AFF2: variants seen among roughly 807,000 people sequenced by gnomAD.
AFF2 encodes ALF transcription elongation factor 2.
A neutral mutation model predicts 76.9 loss-of-function variants in AFF2; 14 were observed. The observed-to-expected ratio is 0.18, with a 90% CI of 0.12 to 0.28. The LOEUF (loss-of-function observed/expected upper bound fraction) is 0.28. Among genes scored for constraint, AFF2 ranks in the 10% least tolerant of loss-of-function variants. The probability of loss-of-function intolerance (pLI) is 1.00; values close to 1 mark genes in which losing one functional copy is unlikely to be tolerated. For missense variants in AFF2, 868 were observed against 1,001.1 expected, an observed-to-expected ratio of 0.87 and a Z score of 1.79; for synonymous variants, 398 against 366.7, an observed-to-expected ratio of 1.09 and a Z score of -0.98.
intron 1 of AFF2, among the ~76,000 whole-genome samples, chrX:148,634,332 G>A (rs781967529): frequency 9.0e-6 from 1 of 111,677 alleles, no homozygotes; most frequent in Non-Finnish European, 1.9e-5. Context: ...AGTAACCACA[G>A]ATTTCATATG....
chrX:148,725,955 G>T (rs1210070165), intron 3 of AFF2, among the ~76,000 whole-genome samples: 2 of 111,848 alleles, frequency 1.8e-5, no homozygotes, highest in East Asian at 5.6e-4. Flanking sequence ...CTATAGGCCA[G>T]TTTTCCTCAG....
At chrX:148,737,544 T>C (rs1412315145) in intron 3 of AFF2, among the ~76,000 whole-genome samples, 12 of 111,358 alleles carry the variant, frequency 1.1e-4, no homozygotes, top group African/African-American at 3.3e-4. Flanking sequence ...TCAAAGTAAA[T>C]GATCATATCA....
At chrX:148,592,737 G>A (rs1239268673) in intron 1 of AFF2, among the ~76,000 whole-genome samples, 1 of 111,599 alleles carries the variant, frequency 9.0e-6, no homozygotes, top group Non-Finnish European at 1.9e-5. Flanking sequence ...CTACTCCTGT[G>A]AGCTAGCTTG....
chrX:148,773,033 A>G (rs994461307), intron 3 of AFF2, among the ~76,000 whole-genome samples: 7 of 110,736 alleles, frequency 6.3e-5, no homozygotes, highest in Admixed American at 1.9e-4. Context: ...CTGCATATGT[A>G]TCCCATGTTT....
intron 1 of AFF2, among the ~76,000 whole-genome samples, chrX:148,527,428 CCTTTCTTT>C (rs782467595): frequency 9.0e-6 from 1 of 111,314 alleles, no homozygotes; most frequent in Non-Finnish European, 1.9e-5. Flanking sequence ...GATCTTGGAC[CCTTTCTTT>C]CTTTCTTTTT....
intron 3 of AFF2, among the ~76,000 whole-genome samples, chrX:148,668,976 G>A (rs939054098): frequency 8.9e-6 from 1 of 112,022 alleles, no homozygotes; most frequent in Non-Finnish European, 1.9e-5. Flanking sequence ...CTTTTGAAAT[G>A]GAATGCCTTT....
intron 3 of AFF2, among the ~76,000 whole-genome samples, chrX:148,773,685 G>GGAAAGAAAGAAAGAAAGAAA (rs1205912443): frequency 0.012 from 628 of 51,418 alleles, 13 homozygotes; most frequent in East Asian, 0.024. Flanking sequence ...AAGGAAGGAA[G>GGAAAGAAAGAAAGAAAGAAA]GAAAGAAAGA....
intron 1 of AFF2, among the ~76,000 whole-genome samples, chrX:148,622,723 T>C (rs897191500): frequency 9.0e-6 from 1 of 111,228 alleles, no homozygotes; most frequent in Non-Finnish European, 1.9e-5. Context: ...AACCCTACAA[T>C]GTAGTAGGGA....
chrX:148,661,375 G>C (rs1464369038), intron 2 of AFF2, among the ~76,000 whole-genome samples: 1 of 112,317 alleles, frequency 8.9e-6, no homozygotes, highest in Non-Finnish European at 1.9e-5. Flanking sequence ...ATTAGATGCT[G>C]TTTAATTCCA....
At chrX:148,722,691 C>A in intron 3 of AFF2, among the ~76,000 whole-genome samples, 1 of 111,707 alleles carries the variant, frequency 9.0e-6, no homozygotes, top group Non-Finnish European at 1.9e-5. Flanking sequence ...TTGTCCAACA[C>A]TAACATGATG....
intron 4 of AFF2, among the ~76,000 whole-genome samples, chrX:148,818,907 G>GT (rs1368909154): frequency 9.0e-6 from 1 of 110,975 alleles, no homozygotes; most frequent in Non-Finnish European, 1.9e-5. Flanking sequence ...CCTTAGAGAG[G>GT]TTGAAAATTG....
chrX:148,901,232 C>T (rs2071351202), intron 8 of AFF2, among the ~76,000 whole-genome samples: 1 of 111,850 alleles, frequency 8.9e-6, no homozygotes, highest in Non-Finnish European at 1.9e-5. Context: ...TCTCTCCACT[C>T]TAGCCTATTA....
intron 3 of AFF2, among the ~76,000 whole-genome samples, chrX:148,673,166 G>C (rs782028782): frequency 8.9e-6 from 1 of 112,119 alleles, no homozygotes; most frequent in Admixed American, 9.4e-5. Context: ...GAAAATAACT[G>C]TGAAAATAAA....
At chrX:148,593,018 T>C (rs1297860495) in intron 1 of AFF2, among the ~76,000 whole-genome samples, 9 of 111,914 alleles carry the variant, frequency 8.0e-5, no homozygotes, top group African/African-American at 2.9e-4. Flanking sequence ...CCTCAGGTTG[T>C]TCTGAAGTGT....
At chrX:148,951,219 C>T (rs782549402) in intron 9 of AFF2, among the ~76,000 whole-genome samples, 1 of 110,982 alleles carries the variant, frequency 9.0e-6, no homozygotes, top group East Asian at 2.8e-4. Context: ...CTACTAAATC[C>T]ATGGAACTTT....
At position 148,891,182 on chromosome X, in the gene AFF2, G is replaced by A. The variant is rs919323852; in HGVS notation, c.1359+5197G>A. Among the ~76,000 whole-genome samples, 10 of 111,689 alleles carry A rather than the reference G, an allele frequency of 9.0e-5. No homozygotes were observed. In the Admixed American group the frequency reaches 9.5e-4, roughly 11 times the overall value. On this transcript the variant is annotated intron_variant, in intron 8 of 20. Coordinates refer to ENST00000370460, the MANE Select transcript of AFF2 (RefSeq NM_002025.4). ...GCCACTGGGGTTTGGCTAGGGAGTGGCCTGACCCAGGAGGACAGACGTTTT... is the reference window on the plus strand; with the variant it reads ...GCCACTGGGGTTTGGCTAGGGAGTGACCTGACCCAGGAGGACAGACGTTTT...
At chrX:148,746,230 T>A (rs2055419499) in intron 3 of AFF2, among the ~76,000 whole-genome samples, 1 of 112,198 alleles carries the variant, frequency 8.9e-6, no homozygotes, top group Non-Finnish European at 1.9e-5. Flanking sequence ...TCTTAATTAA[T>A]CTTGAAACCC....
chrX:148,502,055 A>G lies in AFF2; in HGVS notation c.47+911A>G, dbSNP rs2052359785. On this transcript the variant is annotated intron_variant, in intron 1 of 20. Coordinates refer to ENST00000370460, the MANE Select transcript of AFF2 (RefSeq NM_002025.4). ...CGCGTGTGCATAAATACTGATATACATATCTATTAACTTTTCAAAAACTTC... is the reference window on the plus strand; with the variant it reads ...CGCGTGTGCATAAATACTGATATACGTATCTATTAACTTTTCAAAAACTTC... Among the ~76,000 whole-genome samples, 3 of 111,909 alleles carry G rather than the reference A, an allele frequency of 2.7e-5. No individual in the cohort carries two copies. The Admixed American group carries it at 2.8e-4, about 11-fold the overall frequency.
At chrX:148,634,115 T>C (rs1188583668) in intron 1 of AFF2, among the ~76,000 whole-genome samples, 1 of 111,710 alleles carries the variant, frequency 9.0e-6, no homozygotes, top group Admixed American at 9.5e-5. Flanking sequence ...AATAACCCTT[T>C]GATTGAAGGT....
Sources: allele counts gnomAD v4.1 joint callset (sites outside exome capture counted in the v4.1 genomes callset), GRCh38; gene constraint gnomAD v4.1.1; transcripts MANE v1.5; gene names NCBI Gene and HGNC (gene_info 2026-07-23, HGNC 2026-07-21).